The following PTPRD variants were observed in gnomAD, a reference collection of about 807,000 sequenced individuals.
PTPRD encodes the protein protein tyrosine phosphatase receptor type D, also known as receptor-type tyrosine-protein phosphatase delta.
PTPRD carries 34 observed loss-of-function variants against 214.5 expected under a neutral mutation model. The observed-to-expected ratio is 0.16, with a 90% CI of 0.12 to 0.21. The LOEUF (loss-of-function observed/expected upper bound fraction) is 0.21. PTPRD is among the 10% of genes least tolerant of loss of function. The probability of loss-of-function intolerance (pLI) is 1.00; values close to 1 mark genes in which losing one functional copy is unlikely to be tolerated. For synonymous variants in PTPRD, 1,128 were observed against 845.7 expected (o/e 1.33, Z -5.79); for missense variants, 2,545 against 2,398.7 (o/e 1.06, Z -1.27).
At chr9:8,620,893 C>A (rs2095800139) in intron 14 of PTPRD, among the ~76,000 whole-genome samples, 1 of 151,960 alleles carries the variant, frequency 6.6e-6, no homozygotes, top group Non-Finnish European at 1.5e-5. Context: ...AATTTTTCTT[C>A]AATCATATGT....
At chr9:9,020,157 A>G (rs1447219329) in intron 10 of PTPRD, among the ~76,000 whole-genome samples, 1 of 152,202 alleles carries the variant, frequency 6.6e-6, no homozygotes, top group East Asian at 1.9e-4. Flanking sequence ...ACATGTGTCT[A>G]AACTCATCAA....
At chr9:10,239,315 C>A (rs1030927573) in intron 3 of PTPRD, among the ~76,000 whole-genome samples, 1 of 151,852 alleles carries the variant, frequency 6.6e-6, no homozygotes, top group African/African-American at 2.4e-5. Context: ...TAAAGTAAAT[C>A]TGTATTTATA....
intron 7 of PTPRD, among the ~76,000 whole-genome samples, chr9:9,580,653 A>G (rs1430277020): frequency 6.7e-6 from 1 of 150,190 alleles, no homozygotes; most frequent in African/African-American, 2.5e-5. Flanking sequence ...GATTCAAGCA[A>G]TTCTCCTGCC....
intron 11 of PTPRD, among the ~76,000 whole-genome samples, chr9:8,803,680 G>A (rs2096615952): frequency 6.6e-6 from 1 of 151,622 alleles, no homozygotes; most frequent in Non-Finnish European, 1.5e-5. Context: ...GCTGTGATCG[G>A]CTCACTTGTA....
chr9:10,425,151 C>T (rs144146375), intron 2 of PTPRD, among the ~76,000 whole-genome samples: 73 of 151,936 alleles, frequency 4.8e-4, no homozygotes, highest in African/African-American at 1.6e-3. Context: ...ACTCCAGAGA[C>T]CAGTGATAAT....
chr9:8,927,869 G>A (rs2098914295), intron 11 of PTPRD, among the ~76,000 whole-genome samples: 2 of 152,152 alleles, frequency 1.3e-5, no homozygotes, highest in Non-Finnish European at 2.9e-5. Flanking sequence ...TCCAGCATCT[G>A]TTGTTTCCTG....
intron 11 of PTPRD, among the ~76,000 whole-genome samples, chr9:8,807,763 G>T (rs1600450385): frequency 6.6e-6 from 1 of 151,994 alleles, no homozygotes; most frequent in East Asian, 1.9e-4. Flanking sequence ...CAACGAGTGT[G>T]GTCTGCTCCT....
At chr9:9,900,835 C>A (rs1452487022) in intron 5 of PTPRD, among the ~76,000 whole-genome samples, 3 of 151,980 alleles carry the variant, frequency 2.0e-5, no homozygotes, top group Non-Finnish European at 4.4e-5. Flanking sequence ...TGAGGTTTCA[C>A]CATGTTGGCT....
intron 11 of PTPRD, among the ~76,000 whole-genome samples, chr9:8,768,947 T>C (rs977968567): frequency 6.6e-6 from 1 of 152,200 alleles, no homozygotes; most frequent in Non-Finnish European, 1.5e-5. Context: ...GTTATAGCAC[T>C]ATATAATAAA....
At chr9:10,364,317 T>G (rs781595332) in intron 2 of PTPRD, among the ~76,000 whole-genome samples, 2 of 152,042 alleles carry the variant, frequency 1.3e-5, no homozygotes, top group Non-Finnish European at 2.9e-5. Flanking sequence ...CTCCACGTTT[T>G]AGGTGACAAA....
At chr9:9,101,683 G>A (rs896658784) in intron 10 of PTPRD, among the ~76,000 whole-genome samples, 1 of 152,186 alleles carries the variant, frequency 6.6e-6, no homozygotes, top group Non-Finnish European at 1.5e-5. Context: ...CTAAAGACTT[G>A]AGACATGATG....
intron 2 of PTPRD, among the ~76,000 whole-genome samples, chr9:10,511,253 A>C (rs1028955670): frequency 9.9e-5 from 15 of 152,156 alleles, no homozygotes; most frequent in Non-Finnish European, 2.2e-4. Flanking sequence ...ATTTGTGTGA[A>C]TATGTTTCTA....
chr9:10,180,670 A>G (rs1223133454), intron 3 of PTPRD, among the ~76,000 whole-genome samples: 1 of 151,590 alleles, frequency 6.6e-6, no homozygotes, highest in African/African-American at 2.4e-5. Flanking sequence ...ATACTAAAAA[A>G]ATAGATTAGC....
At chr9:9,006,129 G>C (rs1462178122) in intron 11 of PTPRD, among the ~76,000 whole-genome samples, 1 of 151,930 alleles carries the variant, frequency 6.6e-6, no homozygotes, top group Non-Finnish European at 1.5e-5. Context: ...ATTCATTGAA[G>C]ACTTCTTTCA....
At chr9:9,317,956 G>T (rs1964216525) in intron 9 of PTPRD, among the ~76,000 whole-genome samples, 3 of 152,136 alleles carry the variant, frequency 2.0e-5, no homozygotes, top group Admixed American at 2.0e-4. Flanking sequence ...CGGATCACTT[G>T]AGGTCTGGAG....
chr9:10,398,683 GAGAA>G (rs1202379467), intron 2 of PTPRD, among the ~76,000 whole-genome samples: 2 of 151,958 alleles, frequency 1.3e-5, no homozygotes, highest in Admixed American at 1.3e-4. Context: ...ATGAGGAGCA[GAGAA>G]AGTAATCGGT....
chr9:8,780,004 A>G (rs1236407449), intron 11 of PTPRD, among the ~76,000 whole-genome samples: 1 of 152,188 alleles, frequency 6.6e-6, no homozygotes, highest in East Asian at 1.9e-4. Context: ...TGTAACATCA[A>G]AATCCTAGTG....
intron 4 of PTPRD, among the ~76,000 whole-genome samples, chr9:9,941,706 G>A (rs993459843): frequency 6.6e-5 from 10 of 152,106 alleles, no homozygotes; most frequent in South Asian, 2.1e-4. Flanking sequence ...AGGACAGATC[G>A]GCCTGTGACA....
At chr9:9,134,955 G>A (rs565496137) in intron 10 of PTPRD, among the ~76,000 whole-genome samples, 37 of 152,204 alleles carry the variant, frequency 2.4e-4, no homozygotes, top group African/African-American at 8.2e-4. Context: ...GGTAAGGAAC[G>A]TTTCCACAAT....
Sources: allele counts gnomAD v4.1 joint callset (sites outside exome capture counted in the v4.1 genomes callset), GRCh38; gene constraint gnomAD v4.1.1; transcripts MANE v1.5; gene names NCBI Gene and HGNC (gene_info 2026-07-23, HGNC 2026-07-21).